Variants in LINGO2 observed in about 807,000 individuals in gnomAD.
The protein encoded by LINGO2 is leucine-rich repeat and immunoglobulin-like domain-containing nogo receptor-interacting protein 2.
In LINGO2, 14 loss-of-function variants were observed where a neutral mutation model predicts 30.6. That is an observed-to-expected ratio of 0.46 (90% confidence interval 0.30 to 0.72). LINGO2 has a LOEUF of 0.72. Ranked by LOEUF, LINGO2 falls within the 30% of genes least tolerant of loss-of-function variation. LINGO2 has a pLI of 0.07. For missense variants in LINGO2, 729 were observed against 751.7 expected, an observed-to-expected ratio of 0.97 and a Z score of 0.35; for synonymous variants, 317 against 288.5, an observed-to-expected ratio of 1.10 and a Z score of -1.00.
the LINGO2 span, among the ~76,000 whole-genome samples, chr9:29,032,509 C>A: frequency 3.3e-5 from 5 of 152,294 alleles, no homozygotes; most frequent in Middle Eastern, 3.4e-3. Context: ...TGTATACATG[C>A]ATATGTGTGT....
chr9:29,005,794 T>C, the LINGO2 span, among the ~76,000 whole-genome samples: 1 of 152,060 alleles, frequency 6.6e-6, no homozygotes, highest in Non-Finnish European at 1.5e-5. Context: ...CTATGTATAA[T>C]TGGTCTTGTG....
intron 5 of LINGO2, among the ~76,000 whole-genome samples, chr9:27,984,826 A>C (rs1054807998): frequency 6.6e-6 from 1 of 151,898 alleles, no homozygotes; most frequent in Admixed American, 6.6e-5. Flanking sequence ...TGGTGGCATT[A>C]GTATTATCTC....
the LINGO2 span, among the ~76,000 whole-genome samples, chr9:29,023,017 A>G: frequency 7.3e-5 from 11 of 151,708 alleles, 1 homozygote; most frequent in South Asian, 1.9e-3. Context: ...GAAATGCCTC[A>G]TTTTTTAGTA....
chr9:28,619,082 A>C (rs1467914415), intron 1 of LINGO2, among the ~76,000 whole-genome samples: 2 of 152,152 alleles, frequency 1.3e-5, no homozygotes, highest in East Asian at 1.9e-4. Context: ...GAGTAATAAT[A>C]TCTCTCCTAA....
At chr9:28,008,450 T>C (rs1027555709) in intron 5 of LINGO2, among the ~76,000 whole-genome samples, 1 of 150,926 alleles carries the variant, frequency 6.6e-6, no homozygotes, top group African/African-American at 2.4e-5. Flanking sequence ...CTATTCACCA[T>C]TGCACTGAAG....
At chr9:28,073,588 C>T (rs1825543048) in intron 4 of LINGO2, among the ~76,000 whole-genome samples, 1 of 152,138 alleles carries the variant, frequency 6.6e-6, no homozygotes, top group Non-Finnish European at 1.5e-5. Flanking sequence ...TGTTCGTTTA[C>T]AGAGAAACAT....
the LINGO2 span, among the ~76,000 whole-genome samples, chr9:28,821,502 G>C: frequency 6.6e-6 from 1 of 152,192 alleles, no homozygotes. Flanking sequence ...AAATGAGCAA[G>C]TGATAACCTC....
At chr9:27,991,009 C>T (rs1351423602) in intron 5 of LINGO2, among the ~76,000 whole-genome samples, 1 of 151,966 alleles carries the variant, frequency 6.6e-6, no homozygotes, top group Non-Finnish European at 1.5e-5. Context: ...CTAAGTCTTA[C>T]CAAATACAGC....
At chr9:28,947,190 T>C in the LINGO2 span, among the ~76,000 whole-genome samples, 1 of 152,210 alleles carries the variant, frequency 6.6e-6, no homozygotes, top group South Asian at 2.1e-4. Flanking sequence ...TATATAGATA[T>C]AGATATAGAA....
At chr9:28,345,461 G>T (rs1819529384) in intron 3 of LINGO2, among the ~76,000 whole-genome samples, 2 of 151,854 alleles carry the variant, frequency 1.3e-5, no homozygotes, top group South Asian at 4.2e-4. Context: ...TCAAATATAG[G>T]GTAACCTATT....
intron 4 of LINGO2, among the ~76,000 whole-genome samples, chr9:28,223,439 C>A (rs578128287): frequency 2.6e-4 from 40 of 152,316 alleles, no homozygotes; most frequent in African/African-American, 9.6e-4. Context: ...GCCCTTATAA[C>A]CTAATCACTT....
chr9:28,830,022 A>G, the LINGO2 span, among the ~76,000 whole-genome samples: 12 of 152,362 alleles, frequency 7.9e-5, no homozygotes, highest in African/African-American at 2.9e-4. Flanking sequence ...TCTGACAACA[A>G]GACAGATTTC....
chr9:28,211,287 C>CTT (rs202167511), intron 4 of LINGO2, among the ~76,000 whole-genome samples: 8 of 140,202 alleles, frequency 5.7e-5, no homozygotes, highest in East Asian at 2.0e-4. Context: ...CTCCAAATTC[C>CTT]TTTTTTTTTT....
chr9:28,084,442 A>G (rs926439119), intron 4 of LINGO2, among the ~76,000 whole-genome samples: 9 of 152,228 alleles, frequency 5.9e-5, no homozygotes, highest in Non-Finnish European at 1.2e-4. Context: ...ATTGATATCA[A>G]TCACATATGC....
chr9:28,336,348 C>T (rs984838938), intron 3 of LINGO2, among the ~76,000 whole-genome samples: 7 of 151,958 alleles, frequency 4.6e-5, no homozygotes, highest in Non-Finnish European at 8.8e-5. Flanking sequence ...GGAAGTATTT[C>T]CCCTCAAGTT....
At chr9:29,052,654 C>T in the LINGO2 span, among the ~76,000 whole-genome samples, 9 of 152,140 alleles carry the variant, frequency 5.9e-5, no homozygotes, top group Admixed American at 5.2e-4. Context: ...TTCACCTGGG[C>T]ATCATCCACT....
At chr9:29,178,560 A>G in the LINGO2 span, among the ~76,000 whole-genome samples, 1 of 152,250 alleles carries the variant, frequency 6.6e-6, no homozygotes, top group Non-Finnish European at 1.5e-5. Flanking sequence ...AGCAAAAAAA[A>G]GACAGTAAAA....
chr9:27,998,118 G>T (rs760860056), intron 5 of LINGO2, among the ~76,000 whole-genome samples: 4 of 152,178 alleles, frequency 2.6e-5, no homozygotes, highest in Non-Finnish European at 5.9e-5. Context: ...CCCTTGAAAG[G>T]TAAGGTCTGT....
At chr9:28,360,536 C>T (rs1246146369) in intron 3 of LINGO2, among the ~76,000 whole-genome samples, 2 of 152,122 alleles carry the variant, frequency 1.3e-5, no homozygotes, top group Admixed American at 1.3e-4. Context: ...CTCCTTTCTG[C>T]ATGATCTTAA....
Sources: gnomAD v4.1 joint callset for allele counts (sites outside exome capture counted in the v4.1 genomes callset) on GRCh38, gnomAD v4.1.1 for gene constraint, MANE v1.5 for transcripts, NCBI Gene and HGNC (gene_info 2026-07-23, HGNC 2026-07-21) for gene names.